GRID2IP: variants seen among roughly 807,000 people sequenced by gnomAD.
The protein encoded by GRID2IP is delphilin.
In GRID2IP, 78 loss-of-function variants were observed where a neutral mutation model predicts 114.3. That is an observed-to-expected ratio of 0.68 (90% CI 0.57 to 0.82). The LOEUF is 0.82. GRID2IP is among the 40% of genes least tolerant of loss of function. GRID2IP has a pLI of 0.00. For synonymous variants in GRID2IP, 809 were observed against 724.0 expected, an observed-to-expected ratio of 1.12 and a Z score of -1.89; for missense variants, 1,727 against 1,678.5, an observed-to-expected ratio of 1.03 and a Z score of -0.51.
At chr7:6,548,956 G>A (rs537708541) in intron 1 of GRID2IP, among the ~76,000 whole-genome samples, 29 of 152,262 alleles carry the variant, frequency 1.9e-4, no homozygotes, top group South Asian at 8.3e-4. Context: ...TAGGGACTGA[G>A]TGTCTTGGCT....
At chr7:6,502,172 A>C in intron 18 of GRID2IP, 54 bp from the exon 19 acceptor site, 1 of 1,486,474 alleles carries the variant, frequency 6.7e-7, no homozygotes, top group Non-Finnish European at 9.1e-7. Context: ...AGATGGGGTC[A>C]CATGGGCCCA....
Position 6,523,579 on chromosome 7 carries a change from C to CT in GRID2IP, c.920-1623dup, listed in dbSNP as rs1779452837. ...GAACAGCAGACCTGGATTTTTTTTTCTTTTTTTGAGACAGGGTCTTGCTCT... is the reference window on the plus strand; with the variant it reads ...GAACAGCAGACCTGGATTTTTTTTTCTTTTTTTTGAGACAGGGTCTTGCTCT... On this transcript the variant is annotated intron_variant, in intron 4 of 21. Transcript: ENST00000457091. The surrounding 1 kb of genome is among the most constrained non-coding windows in gnomAD (Gnocchi z 4.5). Among the ~76,000 whole-genome samples, 2 of 151,260 alleles carry CT rather than the reference C, an allele frequency of 1.3e-5. No individual in the cohort carries two copies. Among genetic ancestry groups the CT allele is most frequent in the Non-Finnish European group, 3.0e-5 (2 of 67,770 alleles).
intron 7 of GRID2IP, 62 bp from the exon 8 acceptor site, chr7:6,514,591 G>T (rs10251107): frequency 5.8e-6 from 8 of 1,388,590 alleles, no homozygotes; most frequent in African/African-American, 2.9e-5. Context: ...TGCACAGAGT[G>T]GGGGTAGACA....
chr7:6,504,239 A>C (rs1583333149), intron 15 of GRID2IP, among the ~76,000 whole-genome samples: 1 of 149,838 alleles, frequency 6.7e-6, no homozygotes, highest in East Asian at 2.0e-4. Context: ...GGGTAGGAGC[A>C]AGGAAACTGA....
intron 2 of GRID2IP, among the ~76,000 whole-genome samples, chr7:6,531,376 G>C (rs370016390): frequency 3.9e-5 from 6 of 152,322 alleles, no homozygotes; most frequent in Middle Eastern, 3.4e-3. Context: ...CACTCCCCTT[G>C]GCTCTCTCCG....
In GRID2IP at chr7:6,522,653, T is replaced by C. The variant is rs368621183; in HGVS notation, c.920-696A>G. On this transcript the variant is annotated intron_variant, in intron 4 of 21. Transcript: ENST00000457091. ...GGCACGCACCACCACTCCGGGCTAA[T>C]TTTTTTTTTTGAGATGGAGTCTCGC... 3.4e-5 allele frequency among the ~76,000 whole-genome samples: 5 copies of C among 145,794 alleles called. No individual in the cohort carries two copies. In the East Asian group the frequency reaches 5.9e-4, roughly 17 times the overall value.
intron 1 of GRID2IP, among the ~76,000 whole-genome samples, chr7:6,541,365 T>C (rs903148438): frequency 2.0e-5 from 3 of 152,210 alleles, no homozygotes; most frequent in Admixed American, 6.5e-5. Flanking sequence ...CTAGTTACTA[T>C]TATTATAATA....
At chr7:6,531,198 C>T (rs145928003) in intron 2 of GRID2IP, 5,378 of 455,902 alleles carry the variant, frequency 0.012, 96 homozygotes, top group African/African-American at 0.053. Flanking sequence ...CGCACCTCTG[C>T]CCTGCGAGCG....
chr7:6,510,977 A>G lies in GRID2IP; in HGVS notation c.1486T>C (p.Ser496Pro). The change falls in exon 9 of 22, where the codon TCC becomes CCC. Residue 496 changes from serine to proline, a missense_variant. Coordinates refer to ENST00000457091, the MANE Select transcript of GRID2IP (RefSeq NM_001145118.2). ...EPTPEPQPRS[S>P]LRASSMCRRS... ...CGGCACATGGAGGAAGCCCGCAGGG[A>G]GCTCCGCGGCTGGGGCTCAGGCGTG... 1 of 1,543,384 alleles carries G rather than the reference A, an allele frequency of 6.5e-7. No homozygotes were observed.
chr7:6,550,640 G>A (rs1468679454), intron 1 of GRID2IP, among the ~76,000 whole-genome samples: 9 of 136,822 alleles, frequency 6.6e-5, no homozygotes, highest in African/African-American at 2.0e-4. Flanking sequence ...GTGAAACCCC[G>A]TCTCTACTAA....
rs974118344 is a variant in GRID2IP at position 6,504,768 on chromosome 7, C to A, written c.2710+25G>T. The A allele has an allele frequency of 8.4e-6, 13 of 1,540,830 alleles. No homozygotes were observed. The African/African-American group carries it at 1.4e-4, about 16-fold the overall frequency. On this transcript the variant is annotated intron_variant, in intron 15 of 21. Coordinates refer to ENST00000457091, the MANE Select transcript of GRID2IP (RefSeq NM_001145118.2). ...AAGGGCCGCCGCCTGCCCCCTACACCCCCTGGGGTTCCCCGGACCCTCACA... is the reference window on the plus strand; with the variant it reads ...AAGGGCCGCCGCCTGCCCCCTACACACCCTGGGGTTCCCCGGACCCTCACA...
intron 14 of GRID2IP, among the ~76,000 whole-genome samples, 194 bp downstream of exon 14, chr7:6,505,626 C>A (rs1786555316): frequency 6.6e-6 from 1 of 152,208 alleles, no homozygotes; most frequent in African/African-American, 2.4e-5. Context: ...ACCTCAGCCT[C>A]CCAAAGTGCT....
rs569237273 is a variant in GRID2IP, at chr7:6,520,826, C to T, written c.1085-65G>A. 9.4e-4 allele frequency: 1,378 copies of T among 1,468,668 alleles called. 9 individuals carry two copies. The highest frequency in any genetic ancestry group is 1.2e-3 in the Non-Finnish European group (1,319 of 1,089,150). The allele number at this position is 1,468,668 out of a possible 1,614,324, so 91.0% of individuals were successfully genotyped here. On this transcript the variant is annotated intron_variant, in intron 6 of 21. Transcript: ENST00000457091. The surrounding 1 kb of genome is among the most constrained non-coding windows in gnomAD (Gnocchi z 4.6). ...AGTCCCCAGGCCAGGTGTAGTCTCCCTGGCTTTTGAGGTCAGGAGACCTCC... is the reference window on the plus strand; with the variant it reads ...AGTCCCCAGGCCAGGTGTAGTCTCCTTGGCTTTTGAGGTCAGGAGACCTCC...
intron 2 of GRID2IP, among the ~76,000 whole-genome samples, chr7:6,527,503 T>C (rs1012345793): frequency 2.0e-5 from 3 of 152,220 alleles, no homozygotes; most frequent in African/African-American, 7.2e-5. Flanking sequence ...TGGCTCCTGC[T>C]CTCAAAGTAG....
Position 6,509,350 on chromosome 7 carries a change from C to T in GRID2IP, c.1772-37G>A. The T allele has an allele frequency of 1.4e-6, 2 of 1,455,484 alleles. No homozygotes were observed. The highest frequency in any genetic ancestry group is 1.4e-5 in the South Asian group (1 of 69,158). 90.2% of individuals were successfully genotyped at this position (1,455,484 alleles called of 1,614,324 possible). Reference sequence around the variant, plus strand: ...ATGGAGTATGAGGATTCCTCTTCAGCCAGCACCGAGGTTCCAGGTGCAAGC... The same window carrying T: ...ATGGAGTATGAGGATTCCTCTTCAGTCAGCACCGAGGTTCCAGGTGCAAGC... On this transcript the variant is annotated intron_variant, in intron 11 of 21. Transcript: ENST00000457091. This position sits in a 1 kb window ranked among gnomAD's most constrained non-coding sequence, Gnocchi z 4.9.
At chr7:6,524,356 G>A (rs1358291387) in intron 4 of GRID2IP, among the ~76,000 whole-genome samples, 1 of 152,218 alleles carries the variant, frequency 6.6e-6, no homozygotes, top group African/African-American at 2.4e-5. Context: ...ATTACACTTA[G>A]GTGCTGGGAG....
Position 6,536,840 on chromosome 7 carries a change from C to T in GRID2IP, c.584+2878G>A, listed in dbSNP as rs1249207611. The T allele has an allele frequency of 4.6e-6, 3 of 658,958 alleles. No homozygotes were observed. The highest frequency in any genetic ancestry group is 8.4e-6 in the Non-Finnish European group (3 of 357,898). 40.8% of individuals were successfully genotyped at this position (658,958 alleles called of 1,614,324 possible). ...CTCACCCCTTACTCACCCCAGGCAG[C>T]TCATGGTGGCCTCTTTCGGTGGTGG... On this transcript the variant is annotated intron_variant, in intron 2 of 21. Coordinates refer to ENST00000457091, the MANE Select transcript of GRID2IP (RefSeq NM_001145118.2). This position sits in a 1 kb window ranked among gnomAD's most constrained non-coding sequence, Gnocchi z 5.3.
chr7:6,504,754 C>G, intron 15 of GRID2IP, 39 bp downstream of exon 15: 2 of 1,504,756 alleles, frequency 1.3e-6, no homozygotes, highest in Non-Finnish European at 9.0e-7. Flanking sequence ...AGGGCCGCCG[C>G]CTGCCCCCTA....
At position 6,550,961 on chromosome 7, in the gene GRID2IP, T is replaced by C. The variant is rs553377672; in HGVS notation, c.429+47A>G. 8.4e-6 allele frequency: 10 copies of C among 1,196,530 alleles called. No individual in the cohort carries two copies. In the East Asian group the frequency reaches 2.1e-4, roughly 25 times the overall value. 74.1% of individuals were successfully genotyped at this position (1,196,530 alleles called of 1,614,324 possible). On this transcript the variant is annotated intron_variant, in intron 1 of 21. Coordinates refer to ENST00000457091, the MANE Select transcript of GRID2IP (RefSeq NM_001145118.2). ...CGCCCGGCCCACTCCCTGCCCACAT[T>C]ATGAGCCCCCTCCTTCCCGCCCCCA...
Sources: allele counts gnomAD v4.1 joint callset (sites outside exome capture counted in the v4.1 genomes callset), GRCh38; gene constraint gnomAD v4.1.1; non-coding constraint Gnocchi (gnomAD v3.1); transcripts MANE v1.5; gene names NCBI Gene and HGNC (gene_info 2026-07-23, HGNC 2026-07-21).